ZNF330: variants seen among roughly 807,000 people sequenced by gnomAD.
The protein encoded by ZNF330 is nucleolar atypical zinc finger.
ZNF330 carries 31 observed loss-of-function variants against 45.5 expected under a neutral mutation model. The ratio of observed to expected loss-of-function variants is 0.68; its 90% CI spans 0.51 to 0.92. ZNF330 has a LOEUF of 0.92. Ranked by LOEUF, ZNF330 falls within the 40% of genes least tolerant of loss-of-function variation. ZNF330 has a pLI of 0.00. For synonymous variants in ZNF330, 138 were observed against 123.2 expected (o/e 1.12, Z -0.79); for missense variants, 356 against 387.4 (o/e 0.92, Z 0.68).
chr4:141,226,042 A>C (rs1728795681), intron 4 of ZNF330, among the ~76,000 whole-genome samples: 1 of 152,044 alleles, frequency 6.6e-6, no homozygotes, highest in South Asian at 2.1e-4. Context: ...GTGGAGTCTC[A>C]GATGGATGAT....
At chr4:141,220,688 T>G (rs1728649300), upstream of ZNF330, among the ~76,000 whole-genome samples, 1 of 152,232 alleles carries the variant, frequency 6.6e-6, no homozygotes, top group African/African-American at 2.4e-5. Flanking sequence ...TCCTTTTAGA[T>G]TTCTCCTTTT....
At chr4:141,231,355 C>A in intron 7 of ZNF330, 84 bp from the exon 8 acceptor site, 2 of 1,321,578 alleles carry the variant, frequency 1.5e-6, no homozygotes, top group South Asian at 1.4e-5. Context: ...TATTCCATTG[C>A]AAGCTTTTAG....
At position 141,221,082 on chromosome 4, in the gene ZNF330, G is replaced by A. The variant is rs1170262953; in HGVS notation, c.-33G>A. 6.6e-6 allele frequency: 1 copy of A among 152,298 alleles called. No homozygotes were observed. Among genetic ancestry groups the A allele is most frequent in the Non-Finnish European group, 1.5e-5 (1 of 68,082 alleles). 9.4% of individuals were successfully genotyped at this position (152,298 alleles called of 1,614,324 possible). A position where few individuals can be genotyped will look rare whatever the true frequency, so the allele number is the denominator to read the frequency against. On this transcript the variant is annotated 5_prime_UTR_variant, in exon 1 of 10. Transcript: ENST00000262990. Reference sequence around the variant, plus strand: ...GAGTCCGGTCTCCCGGCGAAAGTGAGCGAGGTTTGCCCGGAGCGCGCACGA... The same window carrying A: ...GAGTCCGGTCTCCCGGCGAAAGTGAACGAGGTTTGCCCGGAGCGCGCACGA...
At chr4:141,233,397 G>A (rs7679975) in intron 9 of ZNF330, among the ~76,000 whole-genome samples, 54,627 of 151,960 alleles carry the variant, frequency 0.36, 11,884 homozygotes, top group East Asian at 0.62. Context: ...TACGAAATCA[G>A]CTGTATTCTG....
chr4:141,229,641 C>G lies in ZNF330; in HGVS notation c.362C>G (p.Ala121Gly). ...GRKCLSTHAC[A>G]CPLTDAECVE... ...AAATGTCTCAGTACACATGCTTGTG[C>G]CTGCCCTCTTACCGATGCTGAGTGT... Residue 121 changes from alanine to glycine, a missense_variant, in exon 6 of 10, where the codon GCC (alanine) becomes GGC (glycine). By Grantham distance (60) the Ala-to-Gly change is moderately conservative (BLOSUM62 0). Transcript: ENST00000262990. 1 of 1,613,176 alleles carries G rather than the reference C, an allele frequency of 6.2e-7. No individual in the cohort carries two copies.
In ZNF330 at chr4:141,229,713, C is replaced by A. The variant is rs1199397245; in HGVS notation, c.418+16C>A. 1 of 1,612,546 alleles carries A rather than the reference C, an allele frequency of 6.2e-7. No individual in the cohort carries two copies. Among genetic ancestry groups the A allele is most frequent in the Admixed American group, 1.7e-5 (1 of 59,912 alleles). On this transcript the variant is annotated intron_variant, in intron 6 of 9. Coordinates refer to ENST00000262990, the MANE Select transcript of ZNF330 (RefSeq NM_014487.6). ...TGGGACCATGGTGAGTCATTAGACACAAGTAATGAGCTTTGTTATAGGTGA... is the reference window on the plus strand; with the variant it reads ...TGGGACCATGGTGAGTCATTAGACAAAAGTAATGAGCTTTGTTATAGGTGA...
intron 4 of ZNF330, 50 bp downstream of exon 4, chr4:141,224,727 A>G (rs892103802): frequency 7.9e-6 from 12 of 1,509,666 alleles, no homozygotes; most frequent in Admixed American, 1.7e-5. Context: ...CTGGTAGTTC[A>G]ACAATTTGAA....
At chr4:141,223,849 C>T (rs1728741427) in intron 2 of ZNF330, 2 of 453,868 alleles carry the variant, frequency 4.4e-6, no homozygotes, top group African/African-American at 2.0e-5. Flanking sequence ...GAACTTTCAA[C>T]AGGTAGGAGG....
chr4:141,230,080 C>T, intron 6 of ZNF330, 86 bp from the exon 7 acceptor site: 2 of 929,274 alleles, frequency 2.2e-6, no homozygotes, highest in Non-Finnish European at 3.3e-6. Flanking sequence ...AAGTAACTTA[C>T]CATCTCTTCT....
intron 9 of ZNF330, among the ~76,000 whole-genome samples, chr4:141,233,390 G>T (rs1474494284): frequency 1.3e-5 from 2 of 152,066 alleles, no homozygotes; most frequent in Non-Finnish European, 2.9e-5. Context: ...GTACTGATAC[G>T]AAATCAGCTG....
chr4:141,229,815 G>C (rs910812067), intron 6 of ZNF330, 118 bp downstream of exon 6: 2 of 1,297,196 alleles, frequency 1.5e-6, no homozygotes, highest in Non-Finnish European at 2.2e-6. Flanking sequence ...TACTGGTACT[G>C]TTTTGATTAT....
intron 2 of ZNF330, 82 bp downstream of exon 2, chr4:141,222,573 G>A: frequency 1.4e-6 from 2 of 1,449,488 alleles, no homozygotes; most frequent in Admixed American, 4.3e-5. Flanking sequence ...TAAAATTTTA[G>A]TGAAGACAGT....
At position 141,229,635 on chromosome 4, in the gene ZNF330, C is replaced by G; in HGVS notation, c.356C>G (p.Ala119Gly). The stretch of plus-strand genomic sequence containing the variant: ...GGTAGGAAATGTCTCAGTACACATG[C>G]TTGTGCCTGCCCTCTTACCGATGCT... Reference protein sequence around the residue: ...CHGRKCLSTHACACPLTDAEC... With the variant: ...CHGRKCLSTHGCACPLTDAEC... Residue 119 changes from alanine (A) to glycine (G), a missense_variant, in exon 6 of 10, where the codon GCT becomes GGT. Coordinates refer to ENST00000262990, the MANE Select transcript of ZNF330 (RefSeq NM_014487.6). 2 of 1,613,206 alleles carry G rather than the reference C, an allele frequency of 1.2e-6. No homozygotes were observed. The highest frequency in any genetic ancestry group is 1.7e-6 in the Non-Finnish European group (2 of 1,179,368).
chr4:141,224,610 G>A lies in ZNF330; in HGVS notation c.144G>A (p.Arg48=). The part of the protein sequence containing the change: ...ASMECDKCQR[R]QKNRAFCYFC... The stretch of plus-strand genomic sequence containing the variant: ...AAATTTTATTTTACATGACAAGGCG[G>A]CAGAAGAATAGAGCATTTTGCTACT... Residue 48 remains arginine, a synonymous_variant, in exon 4 of 10, where the codon CGG becomes CGA. Transcript: ENST00000262990. 6.2e-7 allele frequency: 1 copy of A among 1,613,392 alleles called. No individual in the cohort carries two copies. Among genetic ancestry groups the A allele is most frequent in the Non-Finnish European group, 8.5e-7 (1 of 1,179,566 alleles).
intron 1 of ZNF330, 33 bp from the exon 2 acceptor site, chr4:141,222,333 T>G (rs1208429590): frequency 1.2e-6 from 2 of 1,601,394 alleles, no homozygotes; most frequent in East Asian, 4.5e-5. Context: ...AGTCAGTCAA[T>G]TATATCTTTT....
intron 6 of ZNF330, 151 bp downstream of exon 6, chr4:141,229,848 T>C (rs1728907210): frequency 9.4e-7 from 1 of 1,062,792 alleles, no homozygotes; most frequent in Non-Finnish European, 1.4e-6. Context: ...AGAAGGGATC[T>C]ATACTGTCTG....
chr4:141,223,770 A>G (rs532087434), intron 2 of ZNF330: 1 of 456,240 alleles, frequency 2.2e-6, no homozygotes, highest in African/African-American at 2.0e-5. Context: ...ATTTATTAGG[A>G]CTAAGAGGTG....
At chr4:141,232,956 A>G (rs538703458) in intron 9 of ZNF330, among the ~76,000 whole-genome samples, 4 of 152,164 alleles carry the variant, frequency 2.6e-5, no homozygotes, top group East Asian at 3.9e-4. Context: ...TTGAGTAGCT[A>G]TAATTCCTTA....
rs760178791 is a variant in ZNF330 at position 141,222,375 on chromosome 4, C to T, written c.4C>T (p.Pro2Ser). 1 of 1,610,840 alleles carries T rather than the reference C, an allele frequency of 6.2e-7. No homozygotes were observed. The highest frequency in any genetic ancestry group is 8.5e-7 in the Non-Finnish European group (1 of 1,178,508). ...TCTTGTGTCAAAATAGGGGAAAATG[C>T]CTAAAAAAAAGACTGGTGCGAGGAA... M[P>S]KKKTGARKKA... Residue 2 changes from proline to serine, a missense_variant, in exon 2 of 10, where the codon CCT becomes TCT. By Grantham distance (74) the Pro-to-Ser change is moderately conservative. Coordinates refer to ENST00000262990, the MANE Select transcript of ZNF330 (RefSeq NM_014487.6).
Sources: allele counts gnomAD v4.1 joint callset (sites outside exome capture counted in the v4.1 genomes callset), GRCh38; gene constraint gnomAD v4.1.1; transcripts MANE v1.5; gene names NCBI Gene and HGNC (gene_info 2026-07-23, HGNC 2026-07-21).